The following CBLB variants were observed in gnomAD, a reference collection of about 807,000 sequenced individuals.
CBLB encodes the protein E3 ubiquitin-protein ligase CBL-B.
CBLB carries 31 observed loss-of-function variants against 104.9 expected under a neutral mutation model. The observed-to-expected ratio is 0.30, with a 90% CI of 0.22 to 0.40. The LOEUF (loss-of-function observed/expected upper bound fraction) is 0.40. Among genes scored for constraint, CBLB ranks in the 10% least tolerant of loss-of-function variants. CBLB has a pLI of 1.00. For synonymous variants in CBLB, 440 were observed against 422.6 expected (o/e 1.04, Z -0.51); for missense variants, 1,062 against 1,214.6 (o/e 0.87, Z 1.87).
At chr3:105,863,534 TATCTTTCA>T (rs925747425) in intron 2 of CBLB, among the ~76,000 whole-genome samples, 2 of 152,240 alleles carry the variant, frequency 1.3e-5, no homozygotes, top group African/African-American at 4.8e-5. Context: ...CCACATGGAA[TATCTTTCA>T]GAGATATGAG....
chr3:105,713,890 G>A (rs1199414254), intron 10 of CBLB, among the ~76,000 whole-genome samples: 1 of 152,140 alleles, frequency 6.6e-6, no homozygotes, highest in Admixed American at 6.6e-5. Context: ...AGGATATTTA[G>A]TATCTCTGGC....
intron 2 of CBLB, among the ~76,000 whole-genome samples, chr3:105,856,202 T>G (rs1226698342): frequency 2.0e-5 from 3 of 151,664 alleles, no homozygotes; most frequent in African/African-American, 7.3e-5. Flanking sequence ...ATACAAAAAG[T>G]AGCTGGGTGT....
intron 10 of CBLB, among the ~76,000 whole-genome samples, chr3:105,718,369 A>G (rs1261986951): frequency 6.6e-6 from 1 of 152,212 alleles, no homozygotes; most frequent in Non-Finnish European, 1.5e-5. Context: ...TGATGTTAAC[A>G]TATCTTCCTA....
chr3:105,754,525 G>GAGAGAGAA (rs1560096650), intron 4 of CBLB, among the ~76,000 whole-genome samples: 1 of 15,992 alleles, frequency 6.3e-5, no homozygotes. Context: ...GAGAGAGACA[G>GAGAGAGAA]AGAGAGAGAG....
At chr3:105,698,895 G>C (rs971529028) in intron 12 of CBLB, among the ~76,000 whole-genome samples, 1 of 151,956 alleles carries the variant, frequency 6.6e-6, no homozygotes. Flanking sequence ...CTCTTCTGCA[G>C]AGGAACAAAA....
intron 3 of CBLB, among the ~76,000 whole-genome samples, chr3:105,830,740 A>G (rs2087375475): frequency 6.6e-6 from 1 of 152,262 alleles, no homozygotes; most frequent in Admixed American, 6.5e-5. Flanking sequence ...TCTAAAGAGT[A>G]GCCTAATGTG....
chr3:105,769,973 A>G (rs576434171), intron 4 of CBLB, among the ~76,000 whole-genome samples: 36 of 152,142 alleles, frequency 2.4e-4, no homozygotes, highest in Non-Finnish European at 4.0e-4. Flanking sequence ...AATTTTATGT[A>G]TGGAGAGGAG....
At chr3:105,835,954 AAATAAAGAATAGTT>A (rs1343201506) in intron 3 of CBLB, among the ~76,000 whole-genome samples, 2 of 152,228 alleles carry the variant, frequency 1.3e-5, no homozygotes, top group African/African-American at 4.8e-5. Flanking sequence ...TAGAGGAAGT[AAATAAAGAATAGTT>A]ACATAATGGA....
At chr3:105,846,711 T>C (rs2153106882) in intron 3 of CBLB, among the ~76,000 whole-genome samples, 1 of 152,242 alleles carries the variant, frequency 6.6e-6, no homozygotes, top group Admixed American at 6.5e-5. Context: ...TTCCTGTACT[T>C]AGTTAAACAG....
intron 9 of CBLB, among the ~76,000 whole-genome samples, chr3:105,722,073 AC>A (rs1356053465): frequency 6.6e-6 from 1 of 151,790 alleles, no homozygotes; most frequent in Non-Finnish European, 1.5e-5. Flanking sequence ...TGTGATACAC[AC>A]CTGAAGTCCC....
intron 3 of CBLB, among the ~76,000 whole-genome samples, chr3:105,850,608 T>C (rs2090822097): frequency 6.6e-6 from 1 of 152,204 alleles, no homozygotes; most frequent in Non-Finnish European, 1.5e-5. Flanking sequence ...ATTTTCCTTA[T>C]TTTGTTTAAG....
At position 105,681,788 on chromosome 3, in the gene CBLB, A is replaced by C. The variant is rs1559800746; in HGVS notation, c.2232T>G (p.Asn744Lys). Residue 744 changes from asparagine to lysine, a missense_variant, in exon 15 of 19, where the codon AAT becomes AAG. Physicochemically the swap from Asn to Lys is moderately conservative, Grantham distance 94 (BLOSUM62 0). Transcript: ENST00000394030. ...TCTCTGAAGATGGACCATGTGTTCCATTCAGCATACAGTGACCATTATCAC... is the reference window on the plus strand; with the variant it reads ...TCTCTGAAGATGGACCATGTGTTCCCTTCAGCATACAGTGACCATTATCAC... ...RSCDNGHCML[N>K]GTHGPSSEKK... is the part of the protein sequence containing the mutation. 1 of 1,610,612 alleles carries C rather than the reference A, an allele frequency of 6.2e-7. No homozygotes were observed. The highest frequency in any genetic ancestry group is 1.7e-5 in the Admixed American group (1 of 60,032).
chr3:105,854,555 C>G (rs1186380209), intron 2 of CBLB, among the ~76,000 whole-genome samples: 1 of 150,810 alleles, frequency 6.6e-6, no homozygotes, highest in Non-Finnish European at 1.5e-5. Context: ...ACATAAAGAT[C>G]ATAAAGATAC....
intron 3 of CBLB, among the ~76,000 whole-genome samples, chr3:105,851,752 A>G (rs2090979763): frequency 6.6e-6 from 1 of 152,216 alleles, no homozygotes; most frequent in Admixed American, 6.5e-5. Flanking sequence ...ATTCACATAA[A>G]GCTATTAATG....
chr3:105,722,214 A>AG (rs1319366951), intron 9 of CBLB, among the ~76,000 whole-genome samples: 4 of 150,504 alleles, frequency 2.7e-5, no homozygotes, highest in Non-Finnish European at 5.9e-5. Flanking sequence ...AAAAAAAAAA[A>AG]AAAAGAAAAG....
intron 10 of CBLB, among the ~76,000 whole-genome samples, chr3:105,713,685 C>T (rs2071427786): frequency 6.6e-6 from 1 of 152,170 alleles, no homozygotes; most frequent in Non-Finnish European, 1.5e-5. Flanking sequence ...GAAAATACCA[C>T]TATTTTGCAC....
rs1553788866 is a variant in CBLB, at chr3:105,780,648, G to GTTTTTTTTTTTTTTT, written c.420-4107_420-4106insAAAAAAAAAAAAAAA. Among the ~76,000 whole-genome samples, 9 of 105,050 alleles carry GTTTTTTTTTTTTTTT rather than the reference G, an allele frequency of 8.6e-5. 1 individual carries two copies. Among genetic ancestry groups the GTTTTTTTTTTTTTTT allele is most frequent in the Admixed American group, 7.0e-4 (6 of 8,544 alleles). The allele number at this position is 105,050 out of a possible 152,430, so 68.9% of individuals were successfully genotyped here. A position where few individuals can be genotyped will look rare whatever the true frequency, so the allele number is the denominator to read the frequency against. ...TGTAATAAATAATTTTACAATAAAA[G>GTTTTTTTTTTTTTTT]TTTTGTTTTTTGTTTTTTTTTTTTT... is the stretch of plus-strand genomic sequence containing the variant. On this transcript the variant is annotated intron_variant, in intron 3 of 18. Coordinates refer to ENST00000394030, the MANE Select transcript of CBLB (RefSeq NM_170662.5).
At chr3:105,747,250 C>T (rs1426336504) in intron 5 of CBLB, among the ~76,000 whole-genome samples, 1 of 151,944 alleles carries the variant, frequency 6.6e-6, no homozygotes, top group Non-Finnish European at 1.5e-5. Context: ...ATTATTAAAT[C>T]TTCTACATAA....
intron 3 of CBLB, among the ~76,000 whole-genome samples, chr3:105,777,445 C>T (rs897549438): frequency 2.6e-5 from 4 of 152,044 alleles, no homozygotes; most frequent in African/African-American, 7.2e-5. Flanking sequence ...AGACCAGCCT[C>T]GGCAACATGG....
Sources: allele counts gnomAD v4.1 joint callset (sites outside exome capture counted in the v4.1 genomes callset), GRCh38; gene constraint gnomAD v4.1.1; transcripts MANE v1.5; gene names NCBI Gene and HGNC (gene_info 2026-07-23, HGNC 2026-07-21).